Variants in GPM6A observed in about 807,000 individuals in gnomAD.
The protein encoded by GPM6A is glycoprotein M6A.
In GPM6A, 7 loss-of-function variants were observed where a neutral mutation model predicts 32.1. The observed-to-expected ratio is 0.22, with a 90% confidence interval of 0.12 to 0.41. GPM6A has a LOEUF of 0.41. Among genes scored for constraint, GPM6A ranks in the 10% least tolerant of loss-of-function variants. GPM6A has a pLI of 1.00. For synonymous variants in GPM6A, 130 were observed against 123.4 expected, an observed-to-expected ratio of 1.05 and a Z score of -0.35; for missense variants, 235 against 347.2, an observed-to-expected ratio of 0.68 and a Z score of 2.57.
At chr4:175,970,064 T>C (rs1003836226) in intron 1 of GPM6A, among the ~76,000 whole-genome samples, 36 of 152,238 alleles carry the variant, frequency 2.4e-4, no homozygotes, top group African/African-American at 8.4e-4. Flanking sequence ...AATATTCCAC[T>C]GTGTCCTTCC....
intron 1 of GPM6A, among the ~76,000 whole-genome samples, chr4:175,940,432 T>C (rs1313782609): frequency 5.3e-5 from 8 of 152,158 alleles, no homozygotes; most frequent in Admixed American, 4.6e-4. Flanking sequence ...ATAGTAATAA[T>C]AGCACTATCA....
chr4:175,739,156 T>A (rs187939091), intron 1 of GPM6A, among the ~76,000 whole-genome samples: 7 of 152,292 alleles, frequency 4.6e-5, no homozygotes, highest in Non-Finnish European at 7.4e-5. Context: ...ACAGAGTAAG[T>A]TCCTAATTGT....
At chr4:175,760,801 C>T (rs1732708576) in intron 1 of GPM6A, among the ~76,000 whole-genome samples, 1 of 150,962 alleles carries the variant, frequency 6.6e-6, no homozygotes, top group African/African-American at 2.4e-5. Context: ...AAGGATAAAA[C>T]AACAGAAAAT....
At chr4:175,782,938 C>T (rs1050584878) in intron 1 of GPM6A, among the ~76,000 whole-genome samples, 1 of 126,878 alleles carries the variant, frequency 7.9e-6, no homozygotes, top group African/African-American at 3.0e-5. Flanking sequence ...TGGTAATATC[C>T]ATATCTGTAC....
chr4:175,670,161 G>A (rs1195765674), intron 3 of GPM6A, among the ~76,000 whole-genome samples: 1 of 152,146 alleles, frequency 6.6e-6, no homozygotes, highest in Non-Finnish European at 1.5e-5. Context: ...AGTTATTATT[G>A]TTTTATTTAA....
At chr4:175,915,949 C>T (rs1246529296) in intron 1 of GPM6A, among the ~76,000 whole-genome samples, 1 of 152,216 alleles carries the variant, frequency 6.6e-6, no homozygotes, top group African/African-American at 2.4e-5. Flanking sequence ...GGGACTGGGT[C>T]ATCCATCCAT....
intron 1 of GPM6A, among the ~76,000 whole-genome samples, chr4:175,724,263 G>A (rs972881449): frequency 1.5e-4 from 23 of 152,168 alleles, no homozygotes; most frequent in East Asian, 1.9e-4. Flanking sequence ...AGTTGAACTC[G>A]GCCAGGTGTG....
chr4:175,954,948 T>G (rs748733594), intron 1 of GPM6A, among the ~76,000 whole-genome samples: 3 of 152,170 alleles, frequency 2.0e-5, no homozygotes, highest in Admixed American at 6.5e-5. Context: ...TAATAATACT[T>G]AAGTCAAAGG....
chr4:175,859,550 A>C (rs1736512176), intron 1 of GPM6A, among the ~76,000 whole-genome samples: 1 of 152,198 alleles, frequency 6.6e-6, no homozygotes, highest in Non-Finnish European at 1.5e-5. Context: ...TATGAAGTCT[A>C]TGTTTACTGT....
intron 1 of GPM6A, among the ~76,000 whole-genome samples, chr4:175,948,299 T>C (rs1361644576): frequency 1.3e-5 from 2 of 152,196 alleles, no homozygotes; most frequent in Non-Finnish European, 2.9e-5. Context: ...GGAGCTCTCA[T>C]AAATAGAATT....
intron 2 of GPM6A, among the ~76,000 whole-genome samples, chr4:175,678,401 TA>T (rs1308950551): frequency 4.6e-5 from 7 of 152,130 alleles, no homozygotes; most frequent in Non-Finnish European, 5.9e-5. Flanking sequence ...CTAGAATGGA[TA>T]GGGGTGGCAT....
chr4:175,951,015 G>T (rs879286235), intron 1 of GPM6A, among the ~76,000 whole-genome samples: 2 of 151,884 alleles, frequency 1.3e-5, no homozygotes, highest in Non-Finnish European at 2.9e-5. Flanking sequence ...AAGCCTTTTT[G>T]GTTATTTCAG....
chr4:175,793,364 CTATT>C (rs5864347), intron 1 of GPM6A, among the ~76,000 whole-genome samples: 145,767 of 149,692 alleles, frequency 0.97, 71,004 homozygotes, highest in East Asian at 1. Flanking sequence ...CTATTCTATT[CTATT>C]TATTTATTTA....
intron 2 of GPM6A, among the ~76,000 whole-genome samples, chr4:175,700,467 C>T (rs867160484): frequency 6.6e-6 from 1 of 152,062 alleles, no homozygotes; most frequent in African/African-American, 2.4e-5. Context: ...ACCAGTTCAA[C>T]AGGAATTGCC....
At chr4:175,853,076 A>G (rs1292925349) in intron 1 of GPM6A, among the ~76,000 whole-genome samples, 2 of 152,140 alleles carry the variant, frequency 1.3e-5, no homozygotes, top group Non-Finnish European at 2.9e-5. Flanking sequence ...AAACCTGATT[A>G]TACAGGACTA....
At chr4:175,835,627 G>GTATATATATATATA (rs35980764) in intron 1 of GPM6A, among the ~76,000 whole-genome samples, 10 of 138,620 alleles carry the variant, frequency 7.2e-5, no homozygotes, top group East Asian at 4.2e-4. Flanking sequence ...GTGAGTGTGT[G>GTATATATATATATA]TATATATATA....
chr4:175,719,750 A>G (rs1746019480), intron 1 of GPM6A, among the ~76,000 whole-genome samples: 1 of 152,152 alleles, frequency 6.6e-6, no homozygotes. Flanking sequence ...TAGATATGTC[A>G]CTTCTGCAAG....
chr4:175,940,591 T>C (rs1739374440), intron 1 of GPM6A, among the ~76,000 whole-genome samples: 1 of 152,116 alleles, frequency 6.6e-6, no homozygotes, highest in Non-Finnish European at 1.5e-5. Context: ...TAACATTTTT[T>C]ATATCTTCTT....
chr4:175,890,870 TA>T (rs1379245941), intron 1 of GPM6A, among the ~76,000 whole-genome samples: 2 of 152,144 alleles, frequency 1.3e-5, no homozygotes, highest in Non-Finnish European at 2.9e-5. Context: ...ATGAACATTT[TA>T]AGAATCAAAT....
Sources: gnomAD v4.1 joint callset for allele counts (sites outside exome capture counted in the v4.1 genomes callset) on GRCh38, gnomAD v4.1.1 for gene constraint, MANE v1.5 for transcripts, NCBI Gene and HGNC (gene_info 2026-07-23, HGNC 2026-07-21) for gene names.